TENM1: variants seen among roughly 807,000 people sequenced by gnomAD.
TENM1 encodes the protein teneurin-1.
A neutral mutation model predicts 174.8 loss-of-function variants in TENM1; 35 were observed. That is an observed-to-expected ratio of 0.20 (90% CI 0.15 to 0.27). The LOEUF (loss-of-function observed/expected upper bound fraction) is 0.27, where lower values mean the gene tolerates loss of function less well. TENM1 is among the 10% of genes least tolerant of loss of function. The probability of loss-of-function intolerance (pLI) is 1.00; values close to 1 mark genes in which losing one functional copy is unlikely to be tolerated. For missense variants in TENM1, 1,633 were observed against 2,130.1 expected (o/e 0.77, Z 4.59); for synonymous variants, 781 against 798.7 (o/e 0.98, Z 0.37).
the TENM1 span, among the ~76,000 whole-genome samples, chrX:125,146,256 A>G: frequency 9.0e-6 from 1 of 111,013 alleles, no homozygotes; most frequent in Non-Finnish European, 1.9e-5. Flanking sequence ...AAATTTGGTG[A>G]GGGCAAAAGG....
At chrX:124,552,684 C>T (rs1046489344) in intron 14 of TENM1, among the ~76,000 whole-genome samples, 2 of 111,678 alleles carry the variant, frequency 1.8e-5, no homozygotes, top group Non-Finnish European at 3.8e-5. Context: ...TGATTCTTTG[C>T]CATCTCCCTC....
the TENM1 span, among the ~76,000 whole-genome samples, chrX:125,109,371 A>G: frequency 9.0e-6 from 1 of 111,286 alleles, no homozygotes. Context: ...TCTTTTTTTA[A>G]TCAACTTTTA....
intron 4 of TENM1, among the ~76,000 whole-genome samples, chrX:124,727,169 TG>T (rs1301535390): frequency 8.9e-6 from 1 of 112,448 alleles, no homozygotes; most frequent in African/African-American, 3.2e-5. Flanking sequence ...TGCCCCGGCA[TG>T]ATTCCTCCAC....
chrX:125,048,634 G>A, the TENM1 span, among the ~76,000 whole-genome samples: 1 of 111,105 alleles, frequency 9.0e-6, no homozygotes, highest in Non-Finnish European at 1.9e-5. Context: ...CTGGGTGAAG[G>A]TTGTTAGTAA....
intron 11 of TENM1, among the ~76,000 whole-genome samples, chrX:124,571,348 C>T (rs887347020): frequency 3.6e-5 from 4 of 111,580 alleles, no homozygotes; most frequent in African/African-American, 1.3e-4. Flanking sequence ...TAGACAGTAA[C>T]TTAGAGGAAA....
intron 11 of TENM1, among the ~76,000 whole-genome samples, chrX:124,605,401 A>G (rs2050129986): frequency 9.2e-6 from 1 of 108,778 alleles, no homozygotes; most frequent in Non-Finnish European, 1.9e-5. Context: ...TCCAGGTGTG[A>G]TCTACAGGAC....
At chrX:124,422,680 T>C (rs2147751528) in intron 23 of TENM1, 42 bp from the exon 27 acceptor site, 1 of 1,162,070 alleles carries the variant, frequency 8.6e-7, no homozygotes, top group East Asian at 3.0e-5. Context: ...TTACCATGTC[T>C]TTCCATGGAC....
chrX:124,788,421 T>A (rs769987201), intron 3 of TENM1, among the ~76,000 whole-genome samples: 1 of 111,544 alleles, frequency 9.0e-6, no homozygotes, highest in South Asian at 3.8e-4. Flanking sequence ...TCCCCTAAAG[T>A]CTCAACGCAT....
intron 1 of TENM1, among the ~76,000 whole-genome samples, chrX:124,930,060 C>A (rs950409156): frequency 1.8e-5 from 2 of 109,519 alleles, no homozygotes; most frequent in Non-Finnish European, 3.8e-5. Context: ...TTCCCAGACT[C>A]TGCCGTACTC....
the TENM1 span, among the ~76,000 whole-genome samples, chrX:125,139,868 A>ACACACACACG: frequency 1.2e-5 from 1 of 81,754 alleles, no homozygotes; most frequent in Non-Finnish European, 2.4e-5. Flanking sequence ...GGAGAGAGAG[A>ACACACACACG]GAGAGAGAGA....
At chrX:124,460,958 G>C (rs1372507172) in intron 22 of TENM1, among the ~76,000 whole-genome samples, 2 of 111,717 alleles carry the variant, frequency 1.8e-5, no homozygotes, top group African/African-American at 6.5e-5. Context: ...CATTGGCTTT[G>C]TTAGATTGTC....
chrX:124,634,612 GA>G (rs199913417), intron 11 of TENM1, among the ~76,000 whole-genome samples: 1 of 106,861 alleles, frequency 9.4e-6, no homozygotes, highest in Non-Finnish European at 1.9e-5. Context: ...ATGTGTAAAG[GA>G]AAAAAAAACA....
chrX:124,559,276 G>C (rs1270081798), intron 14 of TENM1, among the ~76,000 whole-genome samples: 1 of 111,216 alleles, frequency 9.0e-6, no homozygotes, highest in Admixed American at 9.6e-5. Flanking sequence ...AGACTACCTA[G>C]GTTTATATCC....
chrX:124,812,936 G>A (rs905728620), intron 3 of TENM1, among the ~76,000 whole-genome samples: 1 of 110,065 alleles, frequency 9.1e-6, no homozygotes. Context: ...GCTTTTTCCA[G>A]GAGGGGCATT....
At chrX:124,446,011 A>G (rs2060961500) in intron 23 of TENM1, among the ~76,000 whole-genome samples, 2 of 112,534 alleles carry the variant, frequency 1.8e-5, no homozygotes, top group Admixed American at 9.4e-5. Context: ...ATTTCAGTAA[A>G]TCAAAAAAAG....
the TENM1 span, among the ~76,000 whole-genome samples, chrX:125,175,193 G>A: frequency 3.4e-3 from 372 of 110,719 alleles, 2 homozygotes; most frequent in African/African-American, 0.012. Flanking sequence ...GAAAGAGCAA[G>A]GTTAGCAGTT....
At chrX:124,879,262 C>A (rs2057262964) in intron 3 of TENM1, among the ~76,000 whole-genome samples, 1 of 111,594 alleles carries the variant, frequency 9.0e-6, no homozygotes, top group Non-Finnish European at 1.9e-5. Flanking sequence ...GTTAATAAAC[C>A]TTTCTTGATC....
chrX:124,588,041 C>G (rs2049596034), intron 11 of TENM1, among the ~76,000 whole-genome samples: 1 of 111,851 alleles, frequency 8.9e-6, no homozygotes, highest in Non-Finnish European at 1.9e-5. Context: ...CAGGAAACAA[C>G]CGGTGTTGGA....
At chrX:124,765,316 G>T (rs964439100) in intron 3 of TENM1, among the ~76,000 whole-genome samples, 3 of 111,787 alleles carry the variant, frequency 2.7e-5, no homozygotes, top group Non-Finnish European at 5.7e-5. Flanking sequence ...TCTCTGCTTC[G>T]TGCAATCGTC....
Sources: allele counts gnomAD v4.1 joint callset (sites outside exome capture counted in the v4.1 genomes callset), GRCh38; gene constraint gnomAD v4.1.1; transcripts MANE v1.5; gene names NCBI Gene and HGNC (gene_info 2026-07-23, HGNC 2026-07-21).